Variants in PPP1R1C observed in about 807,000 individuals in gnomAD.
PPP1R1C encodes the protein protein phosphatase 1 regulatory subunit 1C.
In PPP1R1C, 15 loss-of-function variants were observed where a neutral mutation model predicts 17.4. The ratio of observed to expected loss-of-function variants is 0.86; its 90% CI spans 0.58 to 1.33. The LOEUF (loss-of-function observed/expected upper bound fraction) is 1.33, where lower values mean the gene tolerates loss of function less well. Ranked by LOEUF, PPP1R1C falls within the 40% of genes most tolerant of loss-of-function variation. The pLI, the probability that PPP1R1C is intolerant of heterozygous loss-of-function variation, is 0.00. For synonymous variants in PPP1R1C, 35 were observed against 43.1 expected (o/e 0.81, Z 0.73); for missense variants, 143 against 130.0 (o/e 1.10, Z -0.48).
At chr2:182,102,653 T>C (rs1689131917) in intron 4 of PPP1R1C, among the ~76,000 whole-genome samples, 1 of 152,200 alleles carries the variant, frequency 6.6e-6, no homozygotes, top group African/African-American at 2.4e-5. Context: ...TCAAATGAAA[T>C]TCAATATGGG....
intron 2 of PPP1R1C, among the ~76,000 whole-genome samples, chr2:182,000,898 A>T (rs1007822513): frequency 6.6e-6 from 1 of 152,204 alleles, no homozygotes; most frequent in Non-Finnish European, 1.5e-5. Flanking sequence ...AGATCCATGT[A>T]TATGAGGCCT....
chr2:182,080,789 C>T (rs1005161390), intron 4 of PPP1R1C, among the ~76,000 whole-genome samples: 1 of 152,100 alleles, frequency 6.6e-6, no homozygotes, highest in East Asian at 1.9e-4. Flanking sequence ...TTTTAATATG[C>T]ATTGATTATG....
intron 2 of PPP1R1C, among the ~76,000 whole-genome samples, chr2:182,018,839 T>A (rs1399921784): frequency 6.6e-6 from 1 of 152,044 alleles, no homozygotes; most frequent in East Asian, 1.9e-4. Context: ...GAAAAATGAA[T>A]CAACTGATGA....
chr2:182,074,531 T>G (rs1202720811), intron 4 of PPP1R1C, among the ~76,000 whole-genome samples: 2 of 152,204 alleles, frequency 1.3e-5, no homozygotes, highest in Non-Finnish European at 2.9e-5. Flanking sequence ...AATAGATCAA[T>G]TGAAATCCTT....
intron 4 of PPP1R1C, among the ~76,000 whole-genome samples, chr2:182,098,296 G>T (rs1689002258): frequency 6.6e-6 from 1 of 152,114 alleles, no homozygotes; most frequent in Admixed American, 6.5e-5. Flanking sequence ...ATTTTTTGAA[G>T]CAGAAACTCA....
intron 2 of PPP1R1C, among the ~76,000 whole-genome samples, chr2:182,051,009 C>T (rs1182186713): frequency 6.6e-6 from 1 of 152,148 alleles, no homozygotes; most frequent in Non-Finnish European, 1.5e-5. Context: ...AGCAGCTGAG[C>T]TTCTCATGAT....
intron 2 of PPP1R1C, among the ~76,000 whole-genome samples, chr2:182,031,587 G>GC (rs984839512): frequency 1.3e-5 from 2 of 152,080 alleles, no homozygotes; most frequent in African/African-American, 4.8e-5. Context: ...GAAATCAAAA[G>GC]CCTTGCTGTA....
intron 2 of PPP1R1C, among the ~76,000 whole-genome samples, chr2:182,030,594 G>GTAA (rs1686792259): frequency 6.7e-6 from 1 of 149,814 alleles, no homozygotes; most frequent in South Asian, 2.2e-4. Context: ...CTGCATGCTG[G>GTAA]GAGAACCACT....
intron 2 of PPP1R1C, among the ~76,000 whole-genome samples, chr2:181,993,519 A>G (rs1685527517): frequency 6.6e-6 from 1 of 152,146 alleles, no homozygotes; most frequent in African/African-American, 2.4e-5. Flanking sequence ...TGTGGTTGTA[A>G]TTCATTTGAA....
chr2:182,079,170 G>C (rs1056312864), intron 4 of PPP1R1C, among the ~76,000 whole-genome samples: 1 of 152,142 alleles, frequency 6.6e-6, no homozygotes, highest in Non-Finnish European at 1.5e-5. Flanking sequence ...AGAGGATTTA[G>C]ATAATGAGTT....
chr2:181,980,488 G>A (rs1456332131), intron 2 of PPP1R1C, among the ~76,000 whole-genome samples: 2 of 152,216 alleles, frequency 1.3e-5, no homozygotes, highest in Non-Finnish European at 2.9e-5. Context: ...GTGATTGACT[G>A]TGTCCCCATG....
At chr2:182,035,340 C>T (rs1048587112) in intron 2 of PPP1R1C, among the ~76,000 whole-genome samples, 4 of 152,176 alleles carry the variant, frequency 2.6e-5, no homozygotes, top group Non-Finnish European at 4.4e-5. Context: ...CTTTTAGTAA[C>T]TATTTAATTC....
At chr2:182,005,351 G>T (rs968023744) in intron 2 of PPP1R1C, among the ~76,000 whole-genome samples, 2 of 152,152 alleles carry the variant, frequency 1.3e-5, no homozygotes, top group East Asian at 1.9e-4. Context: ...TATTATCTCC[G>T]CTCTGACAAC....
chr2:182,108,304 G>C (rs1689315301), intron 4 of PPP1R1C, among the ~76,000 whole-genome samples: 1 of 152,058 alleles, frequency 6.6e-6, no homozygotes, highest in Non-Finnish European at 1.5e-5. Flanking sequence ...AGAACTTCTT[G>C]GAGTAGTTGG....
intron 2 of PPP1R1C, among the ~76,000 whole-genome samples, chr2:182,043,818 C>T: frequency 6.6e-6 from 1 of 152,296 alleles, no homozygotes; most frequent in South Asian, 2.1e-4. Flanking sequence ...TGGGCATTCT[C>T]ATCCTCTCTC....
At chr2:182,077,541 C>T (rs558337944) in intron 4 of PPP1R1C, among the ~76,000 whole-genome samples, 1 of 152,272 alleles carries the variant, frequency 6.6e-6, no homozygotes, top group South Asian at 2.1e-4. Flanking sequence ...ATTTTAATCT[C>T]TTCTGATCTC....
intron 4 of PPP1R1C, among the ~76,000 whole-genome samples, chr2:182,081,532 T>C (rs974765913): frequency 1.3e-5 from 2 of 152,174 alleles, no homozygotes; most frequent in African/African-American, 2.4e-5. Context: ...TCAGCACCTA[T>C]TGAGTGTTGA....
chr2:182,015,629 A>T (rs1365158644), intron 2 of PPP1R1C, among the ~76,000 whole-genome samples: 1 of 152,044 alleles, frequency 6.6e-6, no homozygotes, highest in African/African-American at 2.4e-5. Flanking sequence ...GCAGGTGATG[A>T]ATCTTGCTAG....
chr2:182,021,325 T>C (rs993401055), intron 2 of PPP1R1C, among the ~76,000 whole-genome samples: 6,016 of 22,724 alleles, frequency 0.26, 123 homozygotes, highest in Non-Finnish European at 0.33. Flanking sequence ...CTCTCTCTTT[T>C]TTTTTTTTTT....
Sources: gnomAD v4.1 joint callset for allele counts (sites outside exome capture counted in the v4.1 genomes callset) on GRCh38, gnomAD v4.1.1 for gene constraint, MANE v1.5 for transcripts, NCBI Gene and HGNC (gene_info 2026-07-23, HGNC 2026-07-21) for gene names.